Variants in XKR6 observed in about 807,000 individuals in gnomAD.
XKR6 encodes XK related 6.
In XKR6, 22 loss-of-function variants were observed where a neutral mutation model predicts 56.7. The observed-to-expected ratio is 0.39, with a 90% CI of 0.28 to 0.55. The LOEUF (loss-of-function observed/expected upper bound fraction) is 0.55, where lower values mean the gene tolerates loss of function less well. Ranked by LOEUF, XKR6 falls within the 20% of genes least tolerant of loss-of-function variation. The pLI is 0.66. For missense variants in XKR6, 852 were observed against 889.0 expected (o/e 0.96, Z 0.53); for synonymous variants, 524 against 387.8 (o/e 1.35, Z -4.13).
At chr8:11,031,021 G>A (rs1187807861) in intron 1 of XKR6, among the ~76,000 whole-genome samples, 1 of 152,186 alleles carries the variant, frequency 6.6e-6, no homozygotes, top group Non-Finnish European at 1.5e-5. Context: ...CACACCTACT[G>A]GCTCTCTCCT....
intron 1 of XKR6, among the ~76,000 whole-genome samples, chr8:11,054,042 A>G (rs933431529): frequency 6.6e-6 from 1 of 152,210 alleles, no homozygotes; most frequent in Non-Finnish European, 1.5e-5. Flanking sequence ...ACATTATGTG[A>G]TAACACTGTT....
At chr8:10,911,449 C>A (rs997071315) in intron 2 of XKR6, among the ~76,000 whole-genome samples, 7 of 136,070 alleles carry the variant, frequency 5.1e-5, no homozygotes, top group African/African-American at 2.0e-4. Context: ...GGTAAGTATA[C>A]ATATATAGAG....
chr8:11,032,592 G>C (rs1799018270), intron 1 of XKR6, among the ~76,000 whole-genome samples: 1 of 152,204 alleles, frequency 6.6e-6, no homozygotes, highest in Non-Finnish European at 1.5e-5. Context: ...GGCTGTAATA[G>C]AGATGTGTTG....
intron 1 of XKR6, among the ~76,000 whole-genome samples, chr8:10,995,106 T>C (rs1798079935): frequency 6.6e-6 from 1 of 152,212 alleles, no homozygotes; most frequent in Admixed American, 6.5e-5. Context: ...GCAAAAAGCC[T>C]TAATGATTCA....
At chr8:11,083,517 A>C (rs112182633) in intron 1 of XKR6, among the ~76,000 whole-genome samples, 4 of 152,234 alleles carry the variant, frequency 2.6e-5, no homozygotes, top group African/African-American at 9.6e-5. Context: ...CCGTTGAGCT[A>C]TTCCCCGCTT....
rs145216807 is a variant in XKR6, at chr8:11,080,795, G to C, written c.764+119781C>G. 2.3e-3 allele frequency among the ~76,000 whole-genome samples: 356 copies of C among 152,374 alleles called. 1 individual carries two copies. Among genetic ancestry groups the C allele is most frequent in the African/African-American group, 8.4e-3 (348 of 41,594 alleles). Reference sequence around the variant, plus strand: ...AACGCAAGAACACCAGAGACAAGCTGGGTCTGGCCACTCTGTGGCTTATGC... The same window carrying C: ...AACGCAAGAACACCAGAGACAAGCTCGGTCTGGCCACTCTGTGGCTTATGC... On this transcript the variant is annotated intron_variant, in intron 1 of 2. Coordinates refer to ENST00000416569, the MANE Select transcript of XKR6 (RefSeq NM_173683.4).
At chr8:11,110,204 C>A (rs924064917) in intron 1 of XKR6, among the ~76,000 whole-genome samples, 2 of 152,168 alleles carry the variant, frequency 1.3e-5, no homozygotes, top group Non-Finnish European at 2.9e-5. Context: ...AACTCCTGAC[C>A]TCAAGTGCTC....
At chr8:11,047,380 T>G (rs1411142814) in intron 1 of XKR6, among the ~76,000 whole-genome samples, 1 of 152,256 alleles carries the variant, frequency 6.6e-6, no homozygotes, top group Non-Finnish European at 1.5e-5. Flanking sequence ...CAATTTTTCA[T>G]CAGGGATACC....
chr8:11,029,094 C>T (rs2129151280), intron 1 of XKR6, among the ~76,000 whole-genome samples: 1 of 152,284 alleles, frequency 6.6e-6, no homozygotes, highest in East Asian at 1.9e-4. Context: ...AGCGACCCTC[C>T]CAGTCCTGTG....
rs554912553 is a variant in XKR6 at position 11,163,766 on chromosome 8, T to C, written c.764+36810A>G. 3.9e-5 allele frequency among the ~76,000 whole-genome samples: 6 copies of C among 152,342 alleles called. No individual in the cohort carries two copies. The South Asian group carries it at 6.2e-4, about 16-fold the overall frequency. ...TTCTTCCTCTGAGGTAAATGTATCA[T>C]TGTTATCACATTTTACAGTTGAGGA... On this transcript the variant is annotated intron_variant, in intron 1 of 2. Coordinates refer to ENST00000416569, the MANE Select transcript of XKR6 (RefSeq NM_173683.4).
intron 1 of XKR6, among the ~76,000 whole-genome samples, chr8:11,192,056 G>A (rs986692174): frequency 2.6e-5 from 4 of 152,088 alleles, no homozygotes; most frequent in Non-Finnish European, 4.4e-5. Context: ...CAGGCACAGC[G>A]ACTCACGCCT....
intron 1 of XKR6, among the ~76,000 whole-genome samples, chr8:10,925,208 G>A (rs1419757880): frequency 3.3e-5 from 5 of 152,196 alleles, no homozygotes; most frequent in Admixed American, 6.5e-5. Context: ...ACCCCGGGGG[G>A]AAACAATCCA....
At chr8:11,143,187 AG>A (rs1800790840) in intron 1 of XKR6, among the ~76,000 whole-genome samples, 1 of 152,228 alleles carries the variant, frequency 6.6e-6, no homozygotes, top group Non-Finnish European at 1.5e-5. Context: ...CATAAAAAAA[AG>A]AAACAAAGAA....
At chr8:11,122,172 C>A (rs1260005210) in intron 1 of XKR6, among the ~76,000 whole-genome samples, 1 of 152,208 alleles carries the variant, frequency 6.6e-6, no homozygotes, top group Admixed American at 6.5e-5. Flanking sequence ...TCTCCAAGCC[C>A]AGCTCCTTTG....
intron 1 of XKR6, among the ~76,000 whole-genome samples, chr8:11,053,450 G>C (rs1180207290): frequency 1.3e-5 from 2 of 152,208 alleles, no homozygotes; most frequent in African/African-American, 2.4e-5. Context: ...CTGGCTCCCA[G>C]AGAGCTGCAT....
rs141842414 is a variant in XKR6, at chr8:11,069,128, G to A, written c.764+131448C>T. The stretch of plus-strand genomic sequence containing the variant: ...CACAATCACTGCCATCAAGTGGGGC[G>A]GCTCAGCCCAGAAACATGGCCCTAG... On this transcript the variant is annotated intron_variant, in intron 1 of 2. Transcript: ENST00000416569. Among the ~76,000 whole-genome samples the A allele has an allele frequency of 2.6e-3, 399 of 152,204 alleles. 2 individuals carry two copies. Among genetic ancestry groups the A allele is most frequent in the African/African-American group, 9.4e-3 (389 of 41,512 alleles).
chr8:11,043,908 A>G (rs1375126122), intron 1 of XKR6, among the ~76,000 whole-genome samples: 1 of 152,244 alleles, frequency 6.6e-6, no homozygotes, highest in East Asian at 1.9e-4. Context: ...CCGTGCAGGC[A>G]ATGGTGAAGT....
chr8:11,055,983 C>T (rs1799673937), intron 1 of XKR6, among the ~76,000 whole-genome samples: 1 of 152,204 alleles, frequency 6.6e-6, no homozygotes, highest in Non-Finnish European at 1.5e-5. Flanking sequence ...AAGGCCCCCT[C>T]CCCCTGCTTC....
intron 1 of XKR6, among the ~76,000 whole-genome samples, chr8:11,156,476 T>C (rs563381113): frequency 8.2e-4 from 125 of 151,994 alleles, no homozygotes; most frequent in Non-Finnish European, 1.4e-3. Flanking sequence ...ATCATAAGAG[T>C]TTCAAAGATC....
Sources: gnomAD v4.1 joint callset for allele counts (sites outside exome capture counted in the v4.1 genomes callset) on GRCh38, gnomAD v4.1.1 for gene constraint, MANE v1.5 for transcripts, NCBI Gene and HGNC (gene_info 2026-07-23, HGNC 2026-07-21) for gene names.